Variants in SNTG1 observed in about 807,000 individuals in gnomAD.
SNTG1 encodes the protein syntrophin gamma 1, also known as gamma-1-syntrophin.
In SNTG1, 39 loss-of-function variants were observed where a neutral mutation model predicts 74.7. That is an observed-to-expected ratio of 0.52 (90% confidence interval 0.40 to 0.68). The LOEUF (loss-of-function observed/expected upper bound fraction) is 0.68. SNTG1 is among the 30% of genes least tolerant of loss of function. SNTG1 has a pLI of 0.00. For synonymous variants in SNTG1, 254 were observed against 217.1 expected, an observed-to-expected ratio of 1.17 and a Z score of -1.49; for missense variants, 685 against 609.5, an observed-to-expected ratio of 1.12 and a Z score of -1.30.
At chr8:50,594,256 A>T (rs1172511896) in intron 13 of SNTG1, among the ~76,000 whole-genome samples, 1 of 152,106 alleles carries the variant, frequency 6.6e-6, no homozygotes, top group Non-Finnish European at 1.5e-5. Flanking sequence ...GTTATAATTT[A>T]TTATGTGTGT....
chr8:50,129,103 CTGAT>C (rs2081235106), intron 1 of SNTG1, among the ~76,000 whole-genome samples: 1 of 152,038 alleles, frequency 6.6e-6, no homozygotes, highest in African/African-American at 2.4e-5. Flanking sequence ...TAGCATTAAA[CTGAT>C]TTATTTAGGC....
In SNTG1 at chr8:50,438,551, G is replaced by C. The variant is rs768436396; in HGVS notation, c.171G>C (p.Thr57=). 22 of 1,612,900 alleles carry C rather than the reference G, an allele frequency of 1.4e-5. No homozygotes were observed. Among genetic ancestry groups the C allele is most frequent in the Non-Finnish European group, 1.9e-5 (22 of 1,179,422 alleles). Residue 57 remains threonine, a synonymous_variant, in exon 5 of 19, where the codon ACG becomes ACC. Coordinates refer to ENST00000642720, the MANE Select transcript of SNTG1 (RefSeq NM_018967.5). The part of the protein sequence containing the change: ...SGEPFYSGER[T]VTIRRQTVGG... ...AAAATCCTGTCTTTCAGGAAAGAAC[G>C]GTGACCATCAGAAGACAAACAGTAG...
At chr8:50,170,618 T>C (rs866555821) in intron 1 of SNTG1, among the ~76,000 whole-genome samples, 25 of 152,220 alleles carry the variant, frequency 1.6e-4, no homozygotes, top group African/African-American at 6.0e-4. Context: ...AGTACTCTTT[T>C]GTTTCCTCAT....
chr8:50,235,232 G>C (rs979047372), intron 2 of SNTG1, among the ~76,000 whole-genome samples: 1 of 152,088 alleles, frequency 6.6e-6, no homozygotes, highest in Non-Finnish European at 1.5e-5. Flanking sequence ...AGAAAATGTG[G>C]AATATGTGTA....
At chr8:50,529,184 A>G (rs985302206) in intron 9 of SNTG1, among the ~76,000 whole-genome samples, 3 of 151,998 alleles carry the variant, frequency 2.0e-5, no homozygotes, top group Middle Eastern at 3.3e-3. Context: ...ATTAAAATGT[A>G]GAAGATATAA....
At position 50,266,686 on chromosome 8, in the gene SNTG1, A is replaced by G. The variant is rs555639528; in HGVS notation, c.-28+94051A>G. Among the ~76,000 whole-genome samples, 374 of 122,256 alleles carry G rather than the reference A, an allele frequency of 3.1e-3. 3 individuals carry two copies. The highest frequency in any genetic ancestry group is 6.8e-3 in the African/African-American group (229 of 33,574). 80.2% of individuals were successfully genotyped at this position (122,256 alleles called of 152,430 possible). The stretch of plus-strand genomic sequence containing the variant: ...TGTGTGTGTGTGTGTGTGTGTGTGT[A>G]TATATATATATATGAATGATACAAA... On this transcript the variant is annotated intron_variant, in intron 2 of 18. Transcript: ENST00000642720.
chr8:50,069,246 G>A (rs753424742), intron 1 of SNTG1, among the ~76,000 whole-genome samples: 1 of 152,178 alleles, frequency 6.6e-6, no homozygotes, highest in Non-Finnish European at 1.5e-5. Flanking sequence ...ACAGGCTCTT[G>A]TAGTTTCCTC....
chr8:50,514,350 A>G (rs979658451), intron 9 of SNTG1, among the ~76,000 whole-genome samples: 1 of 152,146 alleles, frequency 6.6e-6, no homozygotes. Flanking sequence ...TTTAAAATAC[A>G]TATGTTTACT....
chr8:49,961,607 AT>A lies in SNTG1; in HGVS notation c.-103+49380del, dbSNP rs565367894. Among the ~76,000 whole-genome samples the A allele has an allele frequency of 9.2e-5, 14 of 152,340 alleles. No individual in the cohort carries two copies. In the East Asian group the frequency reaches 2.7e-3, roughly 29 times the overall value. ...TTTCTACATCACTGCTAAGAATAAT[AT>A]TTTAGTGGAATTCCTTAGAATAAGA... On this transcript the variant is annotated intron_variant, in intron 1 of 18. Coordinates refer to ENST00000642720, the MANE Select transcript of SNTG1 (RefSeq NM_018967.5).
chr8:50,682,029 T>C (rs1223213562), intron 15 of SNTG1, among the ~76,000 whole-genome samples: 1 of 152,182 alleles, frequency 6.6e-6, no homozygotes, highest in Non-Finnish European at 1.5e-5. Flanking sequence ...GGAACCACTG[T>C]TGTGACACTG....
intron 17 of SNTG1, among the ~76,000 whole-genome samples, chr8:50,711,918 T>C (rs940877054): frequency 7.9e-5 from 12 of 152,204 alleles, no homozygotes; most frequent in African/African-American, 2.9e-4. Context: ...ATTATTATTA[T>C]TATGTCAAAG....
chr8:50,533,494 A>G (rs1243962548), intron 10 of SNTG1, among the ~76,000 whole-genome samples: 1 of 152,228 alleles, frequency 6.6e-6, no homozygotes, highest in African/African-American at 2.4e-5. Context: ...GAGCTATTGA[A>G]AAATAGTCAT....
At chr8:50,252,510 G>A (rs889866046) in intron 2 of SNTG1, among the ~76,000 whole-genome samples, 1 of 152,122 alleles carries the variant, frequency 6.6e-6, no homozygotes, top group African/African-American at 2.4e-5. Flanking sequence ...TAAAATCAGA[G>A]ATAAAATTGA....
chr8:50,095,777 T>C (rs973691538), intron 1 of SNTG1, among the ~76,000 whole-genome samples: 2 of 152,186 alleles, frequency 1.3e-5, no homozygotes, highest in Admixed American at 1.3e-4. Context: ...TGAAGAAAGA[T>C]GTGGATTTTG....
intron 2 of SNTG1, among the ~76,000 whole-genome samples, chr8:50,331,751 C>T (rs2090974046): frequency 6.6e-6 from 1 of 152,076 alleles, no homozygotes; most frequent in Admixed American, 6.6e-5. Context: ...TTTGAAGGTA[C>T]AATGGACAGA....
intron 2 of SNTG1, among the ~76,000 whole-genome samples, chr8:50,369,292 T>C (rs567159613): frequency 2.0e-5 from 3 of 152,230 alleles, no homozygotes; most frequent in African/African-American, 7.2e-5. Context: ...ATAATATTGG[T>C]GTCCTTTAAG....
At chr8:50,404,025 T>C (rs2092838758) in intron 4 of SNTG1, among the ~76,000 whole-genome samples, 1 of 152,176 alleles carries the variant, frequency 6.6e-6, no homozygotes, top group African/African-American at 2.4e-5. Context: ...GATTTCATGA[T>C]GATATGCATA....
chr8:50,023,272 C>A (rs1331149146), intron 1 of SNTG1, among the ~76,000 whole-genome samples: 1 of 152,076 alleles, frequency 6.6e-6, no homozygotes, highest in Non-Finnish European at 1.5e-5. Flanking sequence ...AGCTAGTATT[C>A]CATTACCTCA....
chr8:50,637,368 G>A (rs1045965765), intron 13 of SNTG1, among the ~76,000 whole-genome samples: 2 of 151,924 alleles, frequency 1.3e-5, no homozygotes, highest in East Asian at 1.9e-4. Context: ...AATGTCCCAC[G>A]AAGTTAATTC....
Sources: gnomAD v4.1 joint callset for allele counts (sites outside exome capture counted in the v4.1 genomes callset) on GRCh38, gnomAD v4.1.1 for gene constraint, MANE v1.5 for transcripts, NCBI Gene and HGNC (gene_info 2026-07-23, HGNC 2026-07-21) for gene names.